Variants in MAML2 observed in about 807,000 individuals in gnomAD.
MAML2 encodes the protein mastermind-like protein 2.
MAML2 carries 22 observed loss-of-function variants against 96.1 expected under a neutral mutation model. That is an observed-to-expected ratio of 0.23 (90% confidence interval 0.16 to 0.33). MAML2 has a LOEUF of 0.33. Ranked by LOEUF, MAML2 falls within the 10% of genes least tolerant of loss-of-function variation. The pLI is 1.00. For synonymous variants in MAML2, 561 were observed against 521.3 expected (o/e 1.08, Z -1.04); for missense variants, 1,367 against 1,392.4 (o/e 0.98, Z 0.29).
At chr11:96,095,566 G>A (rs926753517) in intron 1 of MAML2, among the ~76,000 whole-genome samples, 2 of 152,142 alleles carry the variant, frequency 1.3e-5, no homozygotes, top group Non-Finnish European at 2.9e-5. Flanking sequence ...GTGAGCTGTT[G>A]TTCCATTGTG....
intron 1 of MAML2, among the ~76,000 whole-genome samples, chr11:96,148,824 C>A (rs1173350194): frequency 1.3e-5 from 2 of 152,050 alleles, no homozygotes; most frequent in South Asian, 2.1e-4. Context: ...GTTTGGAAAC[C>A]AAAGGACAGA....
At chr11:96,209,311 T>A (rs35485609) in intron 1 of MAML2, among the ~76,000 whole-genome samples, 9,815 of 152,014 alleles carry the variant, frequency 0.065, 446 homozygotes, top group Non-Finnish European at 0.096. Context: ...CAGCTCCATC[T>A]TCATCTACTT....
At chr11:96,019,908 A>G (rs1351272727) in intron 2 of MAML2, among the ~76,000 whole-genome samples, 1 of 152,198 alleles carries the variant, frequency 6.6e-6, no homozygotes. Flanking sequence ...GTTTTTCTCC[A>G]TACTTATGAC....
At chr11:95,988,711 T>A (rs1271793930) in intron 3 of MAML2, among the ~76,000 whole-genome samples, 1 of 151,946 alleles carries the variant, frequency 6.6e-6, no homozygotes, top group African/African-American at 2.4e-5. Flanking sequence ...GTTGTTCTTT[T>A]GTGCTGAAGA....
chr11:96,197,872 C>A (rs899562219), intron 1 of MAML2, among the ~76,000 whole-genome samples: 1 of 151,986 alleles, frequency 6.6e-6, no homozygotes, highest in East Asian at 1.9e-4. Context: ...TAGGACTCAG[C>A]CAGGTGAAGT....
chr11:96,220,528 G>C (rs1862120262), intron 1 of MAML2, among the ~76,000 whole-genome samples: 3 of 152,120 alleles, frequency 2.0e-5, no homozygotes, highest in Admixed American at 2.0e-4. Flanking sequence ...GCTAAGCTAA[G>C]TGGGAGTCTG....
At chr11:96,143,865 A>G (rs1338026170) in intron 1 of MAML2, among the ~76,000 whole-genome samples, 1 of 152,148 alleles carries the variant, frequency 6.6e-6, no homozygotes, top group Non-Finnish European at 1.5e-5. Flanking sequence ...TTGCTCTCTA[A>G]TTATAGCTGG....
intron 2 of MAML2, among the ~76,000 whole-genome samples, chr11:96,090,431 A>G (rs1370737639): frequency 6.6e-6 from 1 of 152,078 alleles, no homozygotes; most frequent in Non-Finnish European, 1.5e-5. Flanking sequence ...ACTCCTATTG[A>G]TAGGTGAGGA....
chr11:96,242,890 A>G (rs1003038110), intron 1 of MAML2, among the ~76,000 whole-genome samples: 2 of 152,194 alleles, frequency 1.3e-5, no homozygotes, highest in Non-Finnish European at 2.9e-5. Flanking sequence ...TTAAACCTCA[A>G]TTATATAGGT....
intron 3 of MAML2, among the ~76,000 whole-genome samples, chr11:95,986,125 C>G (rs557293408): frequency 1.6e-4 from 25 of 152,274 alleles, no homozygotes; most frequent in African/African-American, 5.8e-4. Context: ...TGGTCCCACA[C>G]AGTGGGGAAA....
intron 1 of MAML2, among the ~76,000 whole-genome samples, chr11:96,100,434 C>T (rs369274565): frequency 2.0e-5 from 3 of 151,768 alleles, no homozygotes; most frequent in South Asian, 2.1e-4. Flanking sequence ...CTCAGCCTCC[C>T]GAGTAGCTGG....
intron 1 of MAML2, among the ~76,000 whole-genome samples, chr11:96,230,893 T>G (rs2135954892): frequency 6.6e-6 from 1 of 152,366 alleles, no homozygotes; most frequent in Admixed American, 6.5e-5. Context: ...CTGCATTTCC[T>G]TCCTTATTTA....
At chr11:96,268,845 C>T (rs1353867900) in intron 1 of MAML2, among the ~76,000 whole-genome samples, 2 of 130,916 alleles carry the variant, frequency 1.5e-5, no homozygotes, top group Non-Finnish European at 3.2e-5. Flanking sequence ...TAAGGCCTCC[C>T]TCACTATGCA....
intron 1 of MAML2, among the ~76,000 whole-genome samples, chr11:96,181,339 T>C (rs1160158580): frequency 6.6e-6 from 1 of 152,220 alleles, no homozygotes; most frequent in African/African-American, 2.4e-5. Flanking sequence ...AGCTACTACT[T>C]GTCTTATCTC....
chr11:96,121,780 ATTTTTTTTTTTT>A (rs543373689), intron 1 of MAML2, among the ~76,000 whole-genome samples: 1 of 35,238 alleles, frequency 2.8e-5, no homozygotes, highest in Admixed American at 4.2e-4. Context: ...CAACTGCGTG[ATTTTTTTTTTTT>A]TTTTTTTTTT....
chr11:96,015,983 T>A (rs1431202820), intron 2 of MAML2, among the ~76,000 whole-genome samples: 1 of 152,092 alleles, frequency 6.6e-6, no homozygotes, highest in African/African-American at 2.4e-5. Flanking sequence ...TTAGAGATAA[T>A]ACATGCATGG....
intron 1 of MAML2, among the ~76,000 whole-genome samples, chr11:96,329,273 C>T (rs962632228): frequency 2.0e-5 from 3 of 152,022 alleles, no homozygotes; most frequent in Non-Finnish European, 1.5e-5. Flanking sequence ...AACTCTAAGT[C>T]CCTCAGAATA....
chr11:96,092,537 A>C lies in MAML2; in HGVS notation c.1494T>G (p.Pro498=). ...QTFSPQSSPM[P]GVAGGSGQSK... Reference sequence around the variant, plus strand: ...ACTGGCCGCTGCCGCCAGCTACCCCAGGCATGGGGGAGCTCTGTGGGCTGA... The same window carrying C: ...ACTGGCCGCTGCCGCCAGCTACCCCCGGCATGGGGGAGCTCTGTGGGCTGA... Residue 498 remains proline, a synonymous_variant, in exon 2 of 5, where the codon CCT becomes CCG. Transcript: ENST00000524717. The surrounding 1 kb of genome is among the most constrained non-coding windows in gnomAD (Gnocchi z 4.1). 1 of 1,598,566 alleles carries C rather than the reference A, an allele frequency of 6.3e-7. No individual in the cohort carries two copies. The highest frequency in any genetic ancestry group is 8.5e-7 in the Non-Finnish European group (1 of 1,170,250).
intron 1 of MAML2, among the ~76,000 whole-genome samples, chr11:96,185,477 A>G (rs1249759731): frequency 1.3e-5 from 2 of 152,164 alleles, no homozygotes; most frequent in Non-Finnish European, 2.9e-5. Flanking sequence ...TGGGTCTTCC[A>G]CAGAAAACAA....
Sources: allele counts gnomAD v4.1 joint callset (sites outside exome capture counted in the v4.1 genomes callset), GRCh38; gene constraint gnomAD v4.1.1; non-coding constraint Gnocchi (gnomAD v3.1); transcripts MANE v1.5; gene names NCBI Gene and HGNC (gene_info 2026-07-23, HGNC 2026-07-21).